ATP13A2: variants seen among roughly 807,000 people sequenced by gnomAD.
The protein encoded by ATP13A2 is polyamine-transporting ATPase 13A2.
ATP13A2 carries 83 observed loss-of-function variants against 138.3 expected under a neutral mutation model. That is an observed-to-expected ratio of 0.60 (90% CI 0.50 to 0.72). The LOEUF (loss-of-function observed/expected upper bound fraction) is 0.72. ATP13A2 is among the 30% of genes least tolerant of loss of function. The pLI is 0.00. For synonymous variants in ATP13A2, 663 were observed against 699.0 expected (o/e 0.95, Z 0.81); for missense variants, 1,402 against 1,606.4 (o/e 0.87, Z 2.17).
Position 17,002,368 on chromosome 1 carries a change from AG to A in ATP13A2, c.562del (p.Leu188TrpfsTer24), listed in dbSNP as rs1212475463. ...GTCGTCACAAGAGCGGCCATGGTCC[AG>A]GAGGCTGGGGGTGGGTGCGAGGGGA... Reference protein sequence around the residue: ...TQQAFYQVSLLDHGRSCDDVH... With the variant: ...TQQAFYQVSLXDHGRSCDDVH... On this transcript the variant is annotated frameshift_variant, in exon 7 of 29. Transcript: ENST00000326735. LOFTEE classifies it high-confidence loss of function. The A allele has an allele frequency of 6.2e-7, 1 of 1,613,046 alleles. No individual in the cohort carries two copies.
In ATP13A2 at chr1:17,004,422, G is replaced by A; in HGVS notation, c.478-11C>T. On this transcript the variant is annotated splice_polypyrimidine_tract_variant and intron_variant, in intron 5 of 28. Coordinates refer to ENST00000326735, the MANE Select transcript of ATP13A2 (RefSeq NM_022089.4). The surrounding 1 kb of genome is among the most constrained non-coding windows in gnomAD (Gnocchi z 4.1). ...CCGCAGCACCCGCTTCTGGGTGGGA[G>A]AGAGGAGAGGATGGGTTGGAAGCTG... 6.2e-7 allele frequency: 1 copy of A among 1,613,934 alleles called. No individual in the cohort carries two copies. The highest frequency in any genetic ancestry group is 8.5e-7 in the Non-Finnish European group (1 of 1,179,918).
intron 8 of ATP13A2, among the ~76,000 whole-genome samples, chr1:17,001,263 C>CAAAAAAAAAAA (rs376331099): frequency 2.4e-5 from 3 of 124,032 alleles, no homozygotes; most frequent in South Asian, 2.6e-4. Context: ...ACTAAAAATA[C>CAAAAAAAAAAA]AAAAAAAAAA....
chr1:17,001,983 G>A, intron 8 of ATP13A2, 51 bp downstream of exon 8: 1 of 1,572,606 alleles, frequency 6.4e-7, no homozygotes, highest in African/African-American at 1.3e-5. Flanking sequence ...CTGGGCCAAG[G>A]TCACACAGCA....
chr1:16,987,157 C>T lies in ATP13A2; in HGVS notation c.2972G>A (p.Arg991Gln), dbSNP rs145548316. The T allele has an allele frequency of 1.0e-4, 165 of 1,613,164 alleles. No homozygotes were observed. In the African/African-American group the frequency reaches 1.8e-3, roughly 18 times the overall value. ...TGPALVLGRVRPPGALLSVPV... is the reference protein window; with the variant it reads ...TGPALVLGRVQPPGALLSVPV... ...CACGCTGAGCAGCGCCCCCGGTGGC[C>T]GCACCCGTCCCAGGACCAGCGCTGG... is the stretch of plus-strand genomic sequence containing the variant. The change falls in exon 26 of 29, where the codon CGG (arginine) becomes CAG (glutamine). Residue 991 changes from arginine to glutamine, a missense_variant. Transcript: ENST00000326735.
At chr1:16,999,888 G>A (rs2077280604) in intron 11 of ATP13A2, 123 bp downstream of exon 11, 2 of 1,348,890 alleles carry the variant, frequency 1.5e-6, no homozygotes, top group Non-Finnish European at 2.0e-6. Context: ...ACAACAGAGT[G>A]AAACTCCGTC....
chr1:17,004,258 G>T lies in ATP13A2; in HGVS notation c.557+74C>A. The T allele has an allele frequency of 6.7e-7, 1 of 1,487,400 alleles. No individual in the cohort carries two copies. Among genetic ancestry groups the T allele is most frequent in the Non-Finnish European group, 9.3e-7 (1 of 1,080,872 alleles). The allele number at this position is 1,487,400 out of a possible 1,614,324, so 92.1% of individuals were successfully genotyped here. A position where few individuals can be genotyped will look rare whatever the true frequency, so the allele number is the denominator to read the frequency against. ...GAGCTGAGAGGGGAGCCCAGGCCAT[G>T]CCATGCCACCGTCTGTGCCCAAACC... On this transcript the variant is annotated intron_variant, in intron 6 of 28. Transcript: ENST00000326735. The surrounding 1 kb of genome is among the most constrained non-coding windows in gnomAD (Gnocchi z 4.1).
chr1:17,003,386 C>T (rs1203466687), intron 6 of ATP13A2, among the ~76,000 whole-genome samples: 2 of 151,918 alleles, frequency 1.3e-5, no homozygotes, highest in Non-Finnish European at 2.9e-5. Flanking sequence ...GGTGAAACCC[C>T]GTCCCTACAA....
intron 1 of ATP13A2, among the ~76,000 whole-genome samples, chr1:17,006,762 G>A (rs1228686013): frequency 6.6e-6 from 1 of 152,134 alleles, no homozygotes; most frequent in African/African-American, 2.4e-5. Context: ...CCATGCCCGT[G>A]CCCAGCCCAG....
intron 1 of ATP13A2, among the ~76,000 whole-genome samples, chr1:17,009,410 T>TA (rs1226232261): frequency 7.9e-6 from 1 of 126,896 alleles, no homozygotes; most frequent in African/African-American, 3.2e-5. Flanking sequence ...TTTTTTTTTT[T>TA]AAAAGAGACA....
chr1:17,006,738 T>G (rs1427896840), intron 1 of ATP13A2, among the ~76,000 whole-genome samples: 2 of 152,178 alleles, frequency 1.3e-5, no homozygotes, highest in Non-Finnish European at 2.9e-5. Flanking sequence ...GGGTCAGGGA[T>G]GCTTATCTTC....
intron 23 of ATP13A2, 24 bp downstream of exon 23, chr1:16,989,667 C>A (rs1170952169): frequency 6.2e-7 from 1 of 1,613,368 alleles, no homozygotes; most frequent in Non-Finnish European, 8.5e-7. Context: ...AGGCCCTTGC[C>A]CACACCCTCT....
In ATP13A2 at chr1:16,987,048, T is replaced by C. The variant is rs374690625; in HGVS notation, c.3081A>G (p.Pro1027=). 5.6e-6 allele frequency: 9 copies of C among 1,613,340 alleles called. No homozygotes were observed. Among genetic ancestry groups the C allele is most frequent in the Admixed American group, 1.7e-5 (1 of 59,990 alleles). Residue 1027 remains proline (P), a splice_region_variant and synonymous_variant, in exon 26 of 29, where the codon CCA becomes CCG. Transcript: ENST00000326735. ...LGGYFLTLAQ[P]WFVPLNRTVA... ...TGGTCAGTCAGCTCCCTACTCACCA[T>C]GGCTGGGCCAGGGTCAGGAAGTAGC... is the stretch of plus-strand genomic sequence containing the variant.
In ATP13A2 at chr1:17,003,733, G is replaced by A. The variant is rs563558195; in HGVS notation, c.557+599C>T. 2.1e-4 allele frequency among the ~76,000 whole-genome samples: 31 copies of A among 149,812 alleles called. 1 individual carries two copies. The highest frequency in any genetic ancestry group is 4.2e-4 in the South Asian group (2 of 4,750). On this transcript the variant is annotated intron_variant, in intron 6 of 28. Transcript: ENST00000326735. ...GGCTAGAGTGCAGTGGCGCGATGTT[G>A]GCTCACTGCAACCTCTGCCGCCCAG...
At chr1:17,010,473 C>A (rs1462128175) in intron 1 of ATP13A2, among the ~76,000 whole-genome samples, 1 of 152,192 alleles carries the variant, frequency 6.6e-6, no homozygotes, top group African/African-American at 2.4e-5. Context: ...GCTTCACACA[C>A]AACCCTCTGG....
chr1:17,011,279 G>A lies in ATP13A2; in HGVS notation c.10+450C>T, dbSNP rs1451057670. 2.6e-5 allele frequency among the ~76,000 whole-genome samples: 4 copies of A among 152,174 alleles called. No individual in the cohort carries two copies. Among genetic ancestry groups the A allele is most frequent in the East Asian group, 1.9e-4 (1 of 5,156 alleles). On this transcript the variant is annotated intron_variant, in intron 1 of 28. Transcript: ENST00000326735. This position sits in a 1 kb window ranked among gnomAD's most constrained non-coding sequence, Gnocchi z 7.3. ...ACATCTACCCAGGAAATGGAGTCCC[G>A]ACTCCCCCAACGCCATTCATTCATT...
intron 11 of ATP13A2, among the ~76,000 whole-genome samples, chr1:16,998,263 G>T (rs12724029): frequency 6.6e-6 from 1 of 151,974 alleles, no homozygotes; most frequent in African/African-American, 2.4e-5. Flanking sequence ...GGAGTGCAGT[G>T]GTGCGATCTC....
chr1:17,000,247 TCCC>T lies in ATP13A2; in HGVS notation c.903_905del (p.Gly302del). The T allele has an allele frequency of 1.8e-6, 2 of 1,117,018 alleles. No individual in the cohort carries two copies. Among genetic ancestry groups the T allele is most frequent in the Non-Finnish European group, 2.2e-6 (2 of 905,964 alleles). The allele number at this position is 1,117,018 out of a possible 1,614,324, so 69.2% of individuals were successfully genotyped here. On this transcript the variant is annotated inframe_deletion and splice_region_variant, in exon 10 of 29. Transcript: ENST00000326735. ...GCCCCCTGGGCCCTAGCTCCTCACC[TCCC>T]CCTGGCCGGCACACGCACACCCGCA... is the stretch of plus-strand genomic sequence containing the variant.
In ATP13A2 at chr1:17,002,360, C is replaced by A. The variant is rs780804257; in HGVS notation, c.571G>T (p.Gly191Cys). ...CGGTGGACGTCGTCACAAGAGCGGCCATGGTCCAGGAGGCTGGGGGTGGGT... is the reference window on the plus strand; with the variant it reads ...CGGTGGACGTCGTCACAAGAGCGGCAATGGTCCAGGAGGCTGGGGGTGGGT... ...AFYQVSLLDH[G>C]RSCDDVHRSR... Residue 191 changes from glycine to cysteine, a missense_variant, in exon 7 of 29, where the codon GGC becomes TGC. By Grantham distance (159) the Gly-to-Cys change is radical. Transcript: ENST00000326735. 1 of 1,613,216 alleles carries A rather than the reference C, an allele frequency of 6.2e-7. No individual in the cohort carries two copies. Among genetic ancestry groups the A allele is most frequent in the African/African-American group, 1.3e-5 (1 of 75,052 alleles).
At chr1:16,993,547 A>C (rs1440605439) in intron 16 of ATP13A2, 82 bp downstream of exon 16, 3 of 1,353,050 alleles carry the variant, frequency 2.2e-6, no homozygotes, top group Non-Finnish European at 3.1e-6. Flanking sequence ...GACCACCCTG[A>C]AAGATGGAGA....
Sources: allele counts gnomAD v4.1 joint callset (sites outside exome capture counted in the v4.1 genomes callset), GRCh38; gene constraint gnomAD v4.1.1; non-coding constraint Gnocchi (gnomAD v3.1); transcripts MANE v1.5; gene names NCBI Gene and HGNC (gene_info 2026-07-23, HGNC 2026-07-21).